Variants in TRPM3 observed in about 807,000 individuals in gnomAD.
The protein encoded by TRPM3 is transient receptor potential cation channel subfamily M member 3, also known as long transient receptor potential channel 3.
A neutral mutation model predicts 181.2 loss-of-function variants in TRPM3; 77 were observed. The observed-to-expected ratio is 0.42, with a 90% confidence interval of 0.35 to 0.51. TRPM3 has a LOEUF of 0.51. Ranked by LOEUF, TRPM3 falls within the 20% of genes least tolerant of loss-of-function variation. TRPM3 has a pLI of 0.01. For synonymous variants in TRPM3, 745 were observed against 796.4 expected, an observed-to-expected ratio of 0.94 and a Z score of 1.09; for missense variants, 1,759 against 2,196.7, an observed-to-expected ratio of 0.80 and a Z score of 3.98.
intron 1 of TRPM3, among the ~76,000 whole-genome samples, chr9:71,199,299 A>G (rs543473504): frequency 0.023 from 3,445 of 152,118 alleles, 56 homozygotes; most frequent in South Asian, 0.039. Flanking sequence ...GGATTTTTGC[A>G]TCAATATTCA....
chr9:71,149,249 A>T (rs892261548), intron 1 of TRPM3, among the ~76,000 whole-genome samples: 3 of 152,078 alleles, frequency 2.0e-5, no homozygotes, highest in African/African-American at 4.8e-5. Context: ...AAAATAATTT[A>T]AAAACTTGCT....
intron 17 of TRPM3, among the ~76,000 whole-genome samples, 171 bp downstream of exon 17, chr9:70,618,696 T>C (rs1464015638): frequency 6.6e-6 from 1 of 152,236 alleles, no homozygotes. Flanking sequence ...AGCCTCTATA[T>C]GGAATAAACA....
intron 1 of TRPM3, among the ~76,000 whole-genome samples, chr9:71,176,039 G>A (rs1468801410): frequency 2.0e-5 from 3 of 152,050 alleles, no homozygotes; most frequent in African/African-American, 7.2e-5. Context: ...CTGTATAAAA[G>A]GATAGACCCT....
At chr9:70,894,104 T>G (rs73459240) in intron 1 of TRPM3, among the ~76,000 whole-genome samples, 1 of 152,028 alleles carries the variant, frequency 6.6e-6, no homozygotes, top group East Asian at 1.9e-4. Context: ...AAGGTGCCCA[T>G]AAGCCATCCC....
intron 8 of TRPM3, among the ~76,000 whole-genome samples, chr9:70,749,481 TACTC>T (rs1476545789): frequency 2.6e-5 from 4 of 152,146 alleles, no homozygotes; most frequent in Non-Finnish European, 5.9e-5. Context: ...CACCAATAAA[TACTC>T]AATAACTAGC....
In TRPM3 at chr9:71,343,189, C is replaced by T. The variant is rs114963242; in HGVS notation, c.183+103464G>A. Among the ~76,000 whole-genome samples the T allele has an allele frequency of 6.5e-3, 988 of 151,818 alleles. 16 individuals are homozygous for T. Among genetic ancestry groups the T allele is most frequent in the African/African-American group, 0.022 (924 of 41,394 alleles). On this transcript the variant is annotated intron_variant, in intron 1 of 24. Coordinates refer to the TRPM3 transcript ENST00000357533. ...TTAAGTATAATTTTGACCTTGAGAGCGCATAAATGTTGTATTTAGCATACA... is the reference window on the plus strand; with the variant it reads ...TTAAGTATAATTTTGACCTTGAGAGTGCATAAATGTTGTATTTAGCATACA...
chr9:71,256,581 T>A (rs2082689146), intron 1 of TRPM3, among the ~76,000 whole-genome samples: 1 of 152,132 alleles, frequency 6.6e-6, no homozygotes, highest in Non-Finnish European at 1.5e-5. Context: ...GTGATATTTG[T>A]ACCTCATCTT....
chr9:70,866,145 A>G (rs1324298433), intron 1 of TRPM3, among the ~76,000 whole-genome samples: 2 of 152,070 alleles, frequency 1.3e-5, no homozygotes, highest in African/African-American at 4.8e-5. Context: ...TTCTCCAGAC[A>G]CTGAATACTT....
intron 1 of TRPM3, among the ~76,000 whole-genome samples, chr9:71,040,386 C>T (rs1012791265): frequency 3.3e-5 from 5 of 152,276 alleles, no homozygotes; most frequent in African/African-American, 1.2e-4. Flanking sequence ...CATACTTTCT[C>T]AGCAGTGCCA....
chr9:71,376,748 C>T (rs2092676588), intron 1 of TRPM3, among the ~76,000 whole-genome samples: 1 of 151,962 alleles, frequency 6.6e-6, no homozygotes, highest in Non-Finnish European at 1.5e-5. Context: ...CAATTATATT[C>T]TAGTTTAATA....
At chr9:71,057,850 T>C (rs924873984) in intron 1 of TRPM3, among the ~76,000 whole-genome samples, 1 of 152,050 alleles carries the variant, frequency 6.6e-6, no homozygotes, top group African/African-American at 2.4e-5. Flanking sequence ...CTCAAATTTT[T>C]ACCTTTACAT....
chr9:70,615,452 AT>A (rs923415025), intron 18 of TRPM3, among the ~76,000 whole-genome samples: 5 of 152,198 alleles, frequency 3.3e-5, no homozygotes, highest in Non-Finnish European at 7.3e-5. Flanking sequence ...AAACCTCAAA[AT>A]TCAATTAGTG....
chr9:70,961,436 C>A (rs2097135820), intron 1 of TRPM3, among the ~76,000 whole-genome samples: 1 of 152,116 alleles, frequency 6.6e-6, no homozygotes, highest in South Asian at 2.1e-4. Context: ...CAATAGGAAA[C>A]TCATCTTCTA....
chr9:71,121,387 T>C lies in TRPM3; in HGVS notation c.-33A>G. 2 of 1,607,696 alleles carry C rather than the reference T, an allele frequency of 1.2e-6. No homozygotes were observed. The highest frequency in any genetic ancestry group is 1.7e-6 in the Non-Finnish European group (2 of 1,177,274). ...TCATCTCCACACCTGCAAATTCCATTAGGGCAGAGGCTTCCTGGAACTTGG... is the reference window on the plus strand; with the variant it reads ...TCATCTCCACACCTGCAAATTCCATCAGGGCAGAGGCTTCCTGGAACTTGG... On this transcript the variant is annotated 5_prime_UTR_variant, in exon 1 of 26. It removes the in-frame stop codon of an upstream open reading frame in the 5' UTR. Transcript: ENST00000677713.
At chr9:71,170,911 C>G (rs1473252592) in intron 1 of TRPM3, among the ~76,000 whole-genome samples, 1 of 152,156 alleles carries the variant, frequency 6.6e-6, no homozygotes, top group Non-Finnish European at 1.5e-5. Flanking sequence ...CTGGGCAGAA[C>G]AGAGCCATAT....
At position 70,549,678 on chromosome 9, in the gene TRPM3, T is replaced by C; in HGVS notation, c.3575-4A>G. 2 of 1,566,304 alleles carry C rather than the reference T, an allele frequency of 1.3e-6. No homozygotes were observed. Among genetic ancestry groups the C allele is most frequent in the Non-Finnish European group, 1.7e-6 (2 of 1,166,678 alleles). ...TCATCATCGGTTATGAAGAGTTCTGTGGAAAAAAAAAAAAAGGAAGTCTTG... is the reference window on the plus strand; with the variant it reads ...TCATCATCGGTTATGAAGAGTTCTGCGGAAAAAAAAAAAAAGGAAGTCTTG... On this transcript the variant is annotated splice_region_variant and splice_polypyrimidine_tract_variant and intron_variant, in intron 24 of 25. Transcript: ENST00000677713.
intron 1 of TRPM3, among the ~76,000 whole-genome samples, chr9:70,891,214 A>G (rs770130779): frequency 6.6e-6 from 1 of 152,198 alleles, no homozygotes; most frequent in Non-Finnish European, 1.5e-5. Flanking sequence ...ATAATTTTAT[A>G]TACAGTGAAG....
chr9:70,751,187 C>T (rs2135070519), intron 8 of TRPM3, among the ~76,000 whole-genome samples: 1 of 151,856 alleles, frequency 6.6e-6, no homozygotes, highest in South Asian at 2.1e-4. Flanking sequence ...ACTCATCTAA[C>T]ATATAGGGTG....
At chr9:71,100,149 T>C (rs56097834) in intron 1 of TRPM3, among the ~76,000 whole-genome samples, 7,628 of 152,248 alleles carry the variant, frequency 0.05, 286 homozygotes, top group Non-Finnish European at 0.077. Flanking sequence ...TGATTCTGAT[T>C]TTTAGATCTC....
Sources: gnomAD v4.1 joint callset for allele counts (sites outside exome capture counted in the v4.1 genomes callset) on GRCh38, gnomAD v4.1.1 for gene constraint, MANE v1.5 for transcripts, NCBI Gene and HGNC (gene_info 2026-07-23, HGNC 2026-07-21) for gene names.